EPS15: variants seen among roughly 807,000 people sequenced by gnomAD.
EPS15 encodes the protein epidermal growth factor receptor substrate 15.
In EPS15, 72 loss-of-function variants were observed where a neutral mutation model predicts 113.8. That is an observed-to-expected ratio of 0.63 (90% CI 0.52 to 0.77). EPS15 has a LOEUF of 0.77. Among genes scored for constraint, EPS15 ranks in the 30% least tolerant of loss-of-function variants. The pLI, the probability that EPS15 is intolerant of heterozygous loss-of-function variation, is 0.00. For synonymous variants in EPS15, 344 were observed against 363.4 expected (o/e 0.95, Z 0.61); for missense variants, 1,048 against 1,045.8 (o/e 1.00, Z -0.03).
In EPS15 at chr1:51,354,996, C is replaced by T. The variant is rs1360462225; in HGVS notation, c.*1704G>A. 9.0e-6 allele frequency: 2 copies of T among 222,474 alleles called. No individual in the cohort carries two copies. The highest frequency in any genetic ancestry group is 1.3e-4 in the East Asian group (2 of 15,134). 13.8% of individuals were successfully genotyped at this position (222,474 alleles called of 1,614,324 possible). A position where few individuals can be genotyped will look rare whatever the true frequency, so the allele number is the denominator to read the frequency against. On this transcript the variant is annotated 3_prime_UTR_variant, in exon 25 of 25. Coordinates refer to ENST00000371733, the MANE Select transcript of EPS15 (RefSeq NM_001981.3). The stretch of plus-strand genomic sequence containing the variant: ...AAATAAACAAAAATACCACCTATCA[C>T]AACTCCCAGTCAAATTTTGCAGAAA...
In EPS15 at chr1:51,357,419, TA is replaced by T. The variant is rs1388071754; in HGVS notation, c.2545-574del. ...ATATATATATATATATATATATATA[TA>T]TATATATTTTTTTTTTTTAAATGTG... On this transcript the variant is annotated intron_variant, in intron 24 of 24. Coordinates refer to ENST00000371733, the MANE Select transcript of EPS15 (RefSeq NM_001981.3). Among the ~76,000 whole-genome samples, 109 of 65,666 alleles carry T rather than the reference TA, an allele frequency of 1.7e-3. 1 individual carries two copies. Among genetic ancestry groups the T allele is most frequent in the East Asian group, 7.4e-3 (12 of 1,628 alleles). 43.1% of individuals were successfully genotyped at this position (65,666 alleles called of 152,430 possible).
At chr1:51,449,903 T>C (rs1011306537) in intron 8 of EPS15, among the ~76,000 whole-genome samples, 1 of 151,608 alleles carries the variant, frequency 6.6e-6, no homozygotes, top group Non-Finnish European at 1.5e-5. Context: ...TGCAAAAAAC[T>C]CCAAGTGCAG....
chr1:51,469,508 G>A (rs1655091465), intron 4 of EPS15, among the ~76,000 whole-genome samples: 2 of 152,284 alleles, frequency 1.3e-5, no homozygotes, highest in Middle Eastern at 3.4e-3. Flanking sequence ...CAGCTGTTTT[G>A]AGTTAGTGTC....
intron 21 of EPS15, among the ~76,000 whole-genome samples, chr1:51,387,096 G>GC (rs1647101204): frequency 6.6e-6 from 1 of 152,184 alleles, no homozygotes; most frequent in Non-Finnish European, 1.5e-5. Flanking sequence ...ACAAAGGGAA[G>GC]CCCATCAGAC....
intron 1 of EPS15, 27 bp downstream of exon 1, chr1:51,519,172 G>T: frequency 7.0e-7 from 1 of 1,433,350 alleles, no homozygotes; most frequent in South Asian, 1.5e-5. Flanking sequence ...GGCCGGCCAA[G>T]CCCGGCGGAC....
At chr1:51,421,971 T>C (rs781758804) in intron 12 of EPS15, 113 bp from the exon 13 acceptor site, 1 of 1,458,322 alleles carries the variant, frequency 6.9e-7, no homozygotes. Flanking sequence ...AAACATTCAA[T>C]TTTTAAATGA....
chr1:51,446,811 G>A (rs1359705470), intron 10 of EPS15, 149 bp downstream of exon 10: 15 of 662,200 alleles, frequency 2.3e-5, no homozygotes, highest in Non-Finnish European at 3.0e-5. Context: ...TTGTCCATTA[G>A]CCAGAAGAAT....
chr1:51,392,056 A>C (rs1411303331), intron 21 of EPS15, among the ~76,000 whole-genome samples: 3 of 152,212 alleles, frequency 2.0e-5, no homozygotes, highest in African/African-American at 7.2e-5. Context: ...CAGATAAAAA[A>C]GAAAAGAGGT....
chr1:51,455,365 G>A (rs1040217894), intron 8 of EPS15, among the ~76,000 whole-genome samples: 1 of 152,112 alleles, frequency 6.6e-6, no homozygotes, highest in African/African-American at 2.4e-5. Flanking sequence ...TAAGGCAGGT[G>A]GATTACCTGA....
intron 21 of EPS15, among the ~76,000 whole-genome samples, chr1:51,382,627 C>T (rs1202039125): frequency 6.6e-6 from 1 of 152,052 alleles, no homozygotes; most frequent in African/African-American, 2.4e-5. Flanking sequence ...CCATGTTGGC[C>T]AGGCTGGTTT....
chr1:51,411,374 A>G (rs1291902636), intron 13 of EPS15, among the ~76,000 whole-genome samples: 1 of 152,192 alleles, frequency 6.6e-6, no homozygotes, highest in African/African-American at 2.4e-5. Context: ...TCTGCAAAGA[A>G]AGGCAAAAAG....
intron 2 of EPS15, among the ~76,000 whole-genome samples, chr1:51,474,424 G>A (rs569300695): frequency 6.6e-6 from 1 of 152,322 alleles, no homozygotes; most frequent in South Asian, 2.1e-4. Context: ...GATGAAGTCA[G>A]GATTTCCAGG....
intron 5 of EPS15, 92 bp downstream of exon 5, chr1:51,468,380 GA>G (rs1655002342): frequency 1.1e-6 from 1 of 938,420 alleles, no homozygotes; most frequent in South Asian, 1.4e-5. Flanking sequence ...GCCAAAGGGA[GA>G]ATTCCTTTTA....
Position 51,356,589 on chromosome 1 carries a change from C to T in EPS15, c.*111G>A. 3 of 886,728 alleles carry T rather than the reference C, an allele frequency of 3.4e-6. No homozygotes were observed. Among genetic ancestry groups the T allele is most frequent in the Non-Finnish European group, 4.9e-6 (3 of 617,636 alleles). The allele number at this position is 886,728 out of a possible 1,614,324, so 54.9% of individuals were successfully genotyped here. The stretch of plus-strand genomic sequence containing the variant: ...AAAATTTTGTCACATTTACAGGAAT[C>T]TCAAACCTTTTGTATTCCCATGCTC... On this transcript the variant is annotated 3_prime_UTR_variant, in exon 25 of 25. Coordinates refer to ENST00000371733, the MANE Select transcript of EPS15 (RefSeq NM_001981.3).
At chr1:51,451,939 T>G (rs554554129) in intron 8 of EPS15, among the ~76,000 whole-genome samples, 1 of 152,008 alleles carries the variant, frequency 6.6e-6, no homozygotes, top group East Asian at 1.9e-4. Flanking sequence ...CCCAGCACAG[T>G]GACGCAATCT....
At chr1:51,484,901 T>C (rs1005020761) in intron 1 of EPS15, among the ~76,000 whole-genome samples, 3 of 152,216 alleles carry the variant, frequency 2.0e-5, no homozygotes, top group South Asian at 4.1e-4. Flanking sequence ...GCAAAGTCAA[T>C]AGTATGAAAA....
intron 21 of EPS15, chr1:51,394,112 T>C (rs1217770887): frequency 4.4e-6 from 1 of 228,028 alleles, no homozygotes; most frequent in Non-Finnish European, 8.6e-6. Flanking sequence ...CAACACAGCA[T>C]TTTATAAAGC....
intron 20 of EPS15, among the ~76,000 whole-genome samples, chr1:51,398,044 C>T (rs1037746778): frequency 6.6e-6 from 1 of 151,696 alleles, no homozygotes; most frequent in Admixed American, 6.6e-5. Flanking sequence ...TAAATATCCA[C>T]AAGATGAAGA....
chr1:51,492,383 T>C (rs910768239), intron 1 of EPS15, among the ~76,000 whole-genome samples: 1 of 152,202 alleles, frequency 6.6e-6, no homozygotes, highest in Non-Finnish European at 1.5e-5. Context: ...AATACAGTAT[T>C]CTAAAGAAAG....
Sources: allele counts gnomAD v4.1 joint callset (sites outside exome capture counted in the v4.1 genomes callset), GRCh38; gene constraint gnomAD v4.1.1; transcripts MANE v1.5; gene names NCBI Gene and HGNC (gene_info 2026-07-23, HGNC 2026-07-21).